The following AKAP8 variants were observed in gnomAD, a reference collection of about 807,000 sequenced individuals.
AKAP8 encodes the protein A-kinase anchoring protein 8, also known as A-kinase anchor protein 8.
AKAP8 carries 24 observed loss-of-function variants against 67.5 expected under a neutral mutation model. That is an observed-to-expected ratio of 0.36 (90% confidence interval 0.26 to 0.50). The LOEUF (loss-of-function observed/expected upper bound fraction) is 0.50, where lower values mean the gene tolerates loss of function less well. AKAP8 is among the 20% of genes least tolerant of loss of function. AKAP8 has a pLI of 0.97. For missense variants in AKAP8, 971 were observed against 955.9 expected (o/e 1.02, Z -0.21); for synonymous variants, 400 against 371.1 (o/e 1.08, Z -0.90).
intron 13 of AKAP8, among the ~76,000 whole-genome samples, chr19:15,358,310 A>C (rs1966911434): frequency 6.6e-6 from 1 of 151,344 alleles, no homozygotes; most frequent in Admixed American, 6.6e-5. Flanking sequence ...TCTATCAATG[A>C]AATCTCTTTT....
rs1223516160 is a variant in AKAP8 at position 15,373,013 on chromosome 19, C to T, written c.699G>A (p.Arg233=). 1 of 1,575,406 alleles carries T rather than the reference C, an allele frequency of 6.3e-7. No individual in the cohort carries two copies. The highest frequency in any genetic ancestry group is 8.6e-7 in the Non-Finnish European group (1 of 1,158,066). The change falls in exon 5 of 14, where the codon CGG becomes CGA. Residue 233 remains arginine, a synonymous_variant. Transcript: ENST00000269701. ...PWNELNYVGG[R]GLGGPSPSRP... ...GGCTGGGGGAGGGCCCTCCCAGGCC[C>T]CGTCCACCCACGTAGTTCAGCTCGT...
Position 15,369,229 on chromosome 19 carries a change from G to C in AKAP8, c.1073-907C>G. The C allele has an allele frequency of 1.0e-6, 1 of 985,520 alleles. No homozygotes were observed. Among genetic ancestry groups the C allele is most frequent in the Non-Finnish European group, 1.2e-6 (1 of 829,976 alleles). The allele number at this position is 985,520 out of a possible 1,614,324, so 61.0% of individuals were successfully genotyped here. A position where few individuals can be genotyped will look rare whatever the true frequency, so the allele number is the denominator to read the frequency against. On this transcript the variant is annotated intron_variant, in intron 8 of 13. Transcript: ENST00000269701. This position sits in a 1 kb window ranked among gnomAD's most constrained non-coding sequence, Gnocchi z 4.6. ...ATCCCGGGTAGGTAGCAGGACCTGC[G>C]CGCAACAGACATGTCACCTTTGCTT... is the stretch of plus-strand genomic sequence containing the variant.
intron 7 of AKAP8, 61 bp downstream of exon 7, chr19:15,371,891 G>A: frequency 6.4e-7 from 1 of 1,567,280 alleles, no homozygotes. Flanking sequence ...TTGTGAGGAA[G>A]GGTGATTAAA....
chr19:15,371,838 C>T (rs1967163170), intron 7 of AKAP8, 114 bp downstream of exon 7: 11 of 1,218,796 alleles, frequency 9.0e-6, no homozygotes, highest in Non-Finnish European at 1.2e-5. Flanking sequence ...CCTGAATCCA[C>T]TCAGAGGTAG....
chr19:15,362,120 T>C lies in AKAP8; in HGVS notation c.1292A>G (p.Glu431Gly). 6.2e-7 allele frequency: 1 copy of C among 1,614,038 alleles called. No homozygotes were observed. The change falls in exon 10 of 14, where the codon GAG (glutamate) becomes GGG (glycine). Residue 431 changes from glutamate (E) to glycine (G), a missense_variant. By Grantham distance (98) the Glu-to-Gly change is moderately conservative (BLOSUM62 -2). Transcript: ENST00000269701. ...CCAGGTTTCCTTTACCTGGAGGAAC[T>C]CCACGGTCTTGTCGGGCAGCTTGGT... ...ISTKLPDKTV[E>G]FLQEYIVNRN...
chr19:15,359,985 A>G (rs536107222), intron 12 of AKAP8, among the ~76,000 whole-genome samples: 1 of 151,980 alleles, frequency 6.6e-6, no homozygotes, highest in Non-Finnish European at 1.5e-5. Context: ...AATACAAAAA[A>G]TTAGCCGGGC....
intron 9 of AKAP8, among the ~76,000 whole-genome samples, chr19:15,366,628 A>C (rs997138946): frequency 6.6e-6 from 1 of 150,530 alleles, no homozygotes. Flanking sequence ...TTTTTATTTG[A>C]GATAGAGTTT....
At chr19:15,368,046 G>A (rs137890678) in intron 9 of AKAP8, among the ~76,000 whole-genome samples, 189 bp downstream of exon 9, 90 of 152,376 alleles carry the variant, frequency 5.9e-4, no homozygotes, top group African/African-American at 2.1e-3. Context: ...CAGGTAGCTC[G>A]TGTGCTGGGA....
rs769125647 is a variant in AKAP8 at position 15,354,641 on chromosome 19, C to T, written c.*274G>A. The T allele has an allele frequency of 2.3e-5, 11 of 473,212 alleles. No individual in the cohort carries two copies. The highest frequency in any genetic ancestry group is 1.4e-4 in the Admixed American group (4 of 27,962). 29.3% of individuals were successfully genotyped at this position (473,212 alleles called of 1,614,324 possible). ...TAATGTATCATCAAGATATAATCAC[C>T]CAACCTTTATTATTCCAAGTGCACT... On this transcript the variant is annotated 3_prime_UTR_variant, in exon 14 of 14. Transcript: ENST00000269701.
intron 9 of AKAP8, among the ~76,000 whole-genome samples, chr19:15,366,101 A>T (rs561915746): frequency 6.9e-4 from 91 of 132,310 alleles, no homozygotes; most frequent in Non-Finnish European, 1.2e-3. Context: ...TTTTTTTTTA[A>T]AAAAAGTCAC....
intron 2 of AKAP8, among the ~76,000 whole-genome samples, chr19:15,375,141 G>A (rs1967230415): frequency 6.6e-6 from 1 of 152,218 alleles, no homozygotes. Context: ...CACTCCCCAT[G>A]TTGCCTGAGT....
At position 15,353,471 on chromosome 19, in the gene AKAP8, C is replaced by G. The variant is rs1373463762; in HGVS notation, c.*1444G>C. 6.6e-6 allele frequency: 1 copy of G among 151,210 alleles called. No homozygotes were observed. The highest frequency in any genetic ancestry group is 6.6e-5 in the Admixed American group (1 of 15,130). The allele number at this position is 151,210 out of a possible 1,614,324, so 9.4% of individuals were successfully genotyped here. On this transcript the variant is annotated 3_prime_UTR_variant, in exon 14 of 14. Transcript: ENST00000269701. ...GCATGCTCACCCTGCGATTAAGACG[C>G]ATCTACACAACACAAACGGATGCTG... is the stretch of plus-strand genomic sequence containing the variant.
At chr19:15,373,519 G>A (rs1203943740) in intron 4 of AKAP8, among the ~76,000 whole-genome samples, 179 bp from the exon 5 acceptor site, 1 of 152,078 alleles carries the variant, frequency 6.6e-6, no homozygotes, top group Admixed American at 6.5e-5. Context: ...GCTGAGCAGG[G>A]GACAGAGCCC....
chr19:15,370,299 C>A, intron 7 of AKAP8, 120 bp from the exon 8 acceptor site: 1 of 1,143,484 alleles, frequency 8.7e-7, no homozygotes, highest in East Asian at 2.4e-5. Flanking sequence ...GTTGCTATGC[C>A]ACCAAGAATG....
In AKAP8 at chr19:15,360,850, T is replaced by C; in HGVS notation, c.1525A>G (p.Arg509Gly). 1 of 1,612,612 alleles carries C rather than the reference T, an allele frequency of 6.2e-7. No homozygotes were observed. The highest frequency in any genetic ancestry group is 1.1e-5 in the South Asian group (1 of 90,856). The change falls in exon 12 of 14, where the codon AGG becomes GGG. Residue 509 changes from arginine to glycine, a missense_variant and splice_region_variant. Arg to Gly is a moderately radical substitution (Grantham distance 125, BLOSUM62 -2). This residue lies in a region of AKAP8 where 763 missense variants were observed against 745.4 expected (regional missense o/e 1.02). Transcript: ENST00000269701. Reference protein sequence around the residue: ...LHSVDHNHNRRLAAEQFKKTS... With the variant: ...LHSVDHNHNRGLAAEQFKKTS... ...GCAGTGTGGGGAGGAAGACTCACCC[T>C]GCGGTTGTGATTGTGGTCCACGGAG...
chr19:15,363,393 C>T (rs528726472), intron 9 of AKAP8, among the ~76,000 whole-genome samples: 97 of 135,934 alleles, frequency 7.1e-4, no homozygotes, highest in African/African-American at 1.8e-3. Flanking sequence ...CCGCCCCGTC[C>T]GGGAAGTGAG....
intron 9 of AKAP8, among the ~76,000 whole-genome samples, chr19:15,362,503 G>A (rs975313670): frequency 1.3e-5 from 2 of 151,820 alleles, no homozygotes; most frequent in African/African-American, 2.4e-5. Flanking sequence ...GATTGCAGGC[G>A]CGCGCCGCCA....
In AKAP8 at chr19:15,373,474, T is replaced by A; in HGVS notation, c.372-134A>T. 2.3e-6 allele frequency: 3 copies of A among 1,290,334 alleles called. No homozygotes were observed. In the East Asian group the frequency reaches 7.6e-5, roughly 33 times the overall value. The allele number at this position is 1,290,334 out of a possible 1,614,324, so 79.9% of individuals were successfully genotyped here. A position where few individuals can be genotyped will look rare whatever the true frequency, so the allele number is the denominator to read the frequency against. On this transcript the variant is annotated intron_variant, in intron 4 of 13. Coordinates refer to ENST00000269701, the MANE Select transcript of AKAP8 (RefSeq NM_005858.4). ...CCTGCATCCCACCTAAGTGCTGGGA[T>A]GACCAAAACTGACCAACACCCTCCC...
At chr19:15,365,796 G>A (rs927173643) in intron 9 of AKAP8, among the ~76,000 whole-genome samples, 3 of 152,128 alleles carry the variant, frequency 2.0e-5, no homozygotes, top group African/African-American at 4.8e-5. Flanking sequence ...ACCAAGGTGC[G>A]TGGATCACCT....
Sources: allele counts gnomAD v4.1 joint callset (sites outside exome capture counted in the v4.1 genomes callset), GRCh38; gene constraint gnomAD v4.1.1; regional missense constraint gnomAD v4.1.1; non-coding constraint Gnocchi (gnomAD v3.1); transcripts MANE v1.5; gene names NCBI Gene and HGNC (gene_info 2026-07-23, HGNC 2026-07-21).